The following PSD2 variants were observed in gnomAD, a reference collection of about 807,000 sequenced individuals.
PSD2 encodes pleckstrin and Sec7 domain containing 2, also known as PH and SEC7 domain-containing protein 2.
Under a neutral mutation model 69.8 loss-of-function variants are expected in PSD2, and 38 were observed. The observed-to-expected ratio is 0.54, with a 90% confidence interval of 0.42 to 0.71. The LOEUF is 0.71. Among genes scored for constraint, PSD2 ranks in the 30% least tolerant of loss-of-function variants. PSD2 has a pLI of 0.00. For missense variants in PSD2, 943 were observed against 1,014.5 expected (o/e 0.93, Z 0.96); for synonymous variants, 412 against 423.0 (o/e 0.97, Z 0.32).
intron 3 of PSD2, 42 bp downstream of exon 3, chr5:139,813,800 G>T: frequency 6.6e-7 from 1 of 1,525,898 alleles, no homozygotes. Flanking sequence ...GAGCAGATGG[G>T]GAAACTGAGA....
At chr5:139,742,821 G>T in the PSD2 span, among the ~76,000 whole-genome samples, 1 of 152,220 alleles carries the variant, frequency 6.6e-6, no homozygotes, top group Non-Finnish European at 1.5e-5. Context: ...TCAGGGAGGA[G>T]CTCCCTCTGG....
the PSD2 span, among the ~76,000 whole-genome samples, chr5:139,764,879 G>A: frequency 6.6e-6 from 1 of 152,256 alleles, no homozygotes; most frequent in African/African-American, 2.4e-5. Context: ...ACCCTCACTG[G>A]CGAAGGGACA....
At chr5:139,777,673 CTG>C in the PSD2 span, among the ~76,000 whole-genome samples, 1 of 152,104 alleles carries the variant, frequency 6.6e-6, no homozygotes, top group Non-Finnish European at 1.5e-5. Flanking sequence ...TGCTTGAGCT[CTG>C]GAGTTCGAGA....
At chr5:139,798,276 C>T (rs1212876242) in intron 1 of PSD2, among the ~76,000 whole-genome samples, 1 of 152,174 alleles carries the variant, frequency 6.6e-6, no homozygotes, top group African/African-American at 2.4e-5. Flanking sequence ...TCCCTGGGAC[C>T]AGCTTGTTTT....
chr5:139,766,916 C>CTTT, the PSD2 span, among the ~76,000 whole-genome samples: 2 of 44,954 alleles, frequency 4.4e-5, 1 homozygote, highest in Non-Finnish European at 9.3e-5. Flanking sequence ...TCCCTTCCTT[C>CTTT]CTTCCTTCCT....
At chr5:139,840,421 T>G (rs1281834621) in intron 14 of PSD2, among the ~76,000 whole-genome samples, 8 of 152,336 alleles carry the variant, frequency 5.3e-5, no homozygotes, top group Non-Finnish European at 7.4e-5. Flanking sequence ...CTTAAATGTT[T>G]GTGCCAATTT....
chr5:139,808,741 T>C (rs1433314766), intron 1 of PSD2, among the ~76,000 whole-genome samples: 1 of 152,146 alleles, frequency 6.6e-6, no homozygotes, highest in Non-Finnish European at 1.5e-5. Context: ...GGCTCCCGGG[T>C]GGCACCGCCC....
chr5:139,814,416 C>T lies in PSD2; in HGVS notation c.1016+52C>T, dbSNP rs943590615. ...CCCTGGGCAAACCTCGTGTCTTCCT[C>T]AACCTGAAGAGGGTGTGGGTGACCT... On this transcript the variant is annotated intron_variant, in intron 4 of 14. Coordinates refer to ENST00000274710, the MANE Select transcript of PSD2 (RefSeq NM_032289.4). This position sits in a 1 kb window ranked among gnomAD's most constrained non-coding sequence, Gnocchi z 4.4. The T allele has an allele frequency of 6.6e-7, 1 of 1,507,528 alleles. No individual in the cohort carries two copies. The allele number at this position is 1,507,528 out of a possible 1,614,324, so 93.4% of individuals were successfully genotyped here.
the PSD2 span, among the ~76,000 whole-genome samples, chr5:139,782,248 A>G: frequency 6.6e-6 from 1 of 151,998 alleles, no homozygotes; most frequent in African/African-American, 2.4e-5. Context: ...CAGTGGCACA[A>G]TCTCGGCTCA....
intron 7 of PSD2, among the ~76,000 whole-genome samples, chr5:139,823,392 A>AC (rs1760323963): frequency 6.6e-6 from 1 of 151,572 alleles, no homozygotes; most frequent in Non-Finnish European, 1.5e-5. Flanking sequence ...GTCCCCCATC[A>AC]CCATCTGGCT....
intron 7 of PSD2, among the ~76,000 whole-genome samples, chr5:139,830,845 T>TTTTA (rs1760584058): frequency 7.5e-6 from 1 of 133,382 alleles, no homozygotes; most frequent in Non-Finnish European, 1.6e-5. Context: ...TTTTTTTTTT[T>TTTTA]ATTGATTCAA....
intron 9 of PSD2, 97 bp downstream of exon 9, chr5:139,835,863 G>T: frequency 8.3e-7 from 1 of 1,199,238 alleles, no homozygotes; most frequent in Non-Finnish European, 1.2e-6. Context: ...TCTCCATGGT[G>T]CTGATCCCTC....
the PSD2 span, among the ~76,000 whole-genome samples, chr5:139,773,365 G>T: frequency 1.3e-5 from 2 of 151,826 alleles, no homozygotes; most frequent in Non-Finnish European, 2.9e-5. Context: ...TGGGCTCAAG[G>T]AATCCTCCTG....
At chr5:139,827,221 C>A (rs1480060359) in intron 7 of PSD2, among the ~76,000 whole-genome samples, 1 of 152,214 alleles carries the variant, frequency 6.6e-6, no homozygotes, top group East Asian at 1.9e-4. Context: ...ACAGTGTCTA[C>A]TACAGGGACT....
At chr5:139,810,059 G>A (rs577032115) in intron 2 of PSD2, among the ~76,000 whole-genome samples, 19 of 152,114 alleles carry the variant, frequency 1.2e-4, no homozygotes, top group Admixed American at 2.6e-4. Context: ...GATTGCAGGG[G>A]GTGGGGGGTG....
chr5:139,766,831 CTTTCTTTCTTTCTTTCTT>C, the PSD2 span, among the ~76,000 whole-genome samples: 9 of 32,366 alleles, frequency 2.8e-4, no homozygotes, highest in East Asian at 2.5e-3. Context: ...TCCCTTCCTT[CTTTCTTTCTTTCTTTCTT>C]TCTTTCTTTC....
At chr5:139,830,053 G>A (rs79517259) in intron 7 of PSD2, among the ~76,000 whole-genome samples, 1 of 148,690 alleles carries the variant, frequency 6.7e-6, no homozygotes, top group East Asian at 1.9e-4. Flanking sequence ...AGTGTGATCT[G>A]GTATGTGTGA....
chr5:139,832,713 C>A lies in PSD2; in HGVS notation c.1270-989C>A, dbSNP rs192309361. 2.4e-3 allele frequency among the ~76,000 whole-genome samples: 365 copies of A among 152,312 alleles called. 3 individuals carry two copies. Among genetic ancestry groups the A allele is most frequent in the African/African-American group, 8.2e-3 (342 of 41,550 alleles). ...TTGGAAAACACTGCTTTAGAGCAAACCCCAATCCACAAAATCCTTCAGTGA... is the reference window on the plus strand; with the variant it reads ...TTGGAAAACACTGCTTTAGAGCAAAACCCAATCCACAAAATCCTTCAGTGA... On this transcript the variant is annotated intron_variant, in intron 7 of 14. Transcript: ENST00000274710.
the PSD2 span, among the ~76,000 whole-genome samples, chr5:139,784,346 C>A: frequency 6.6e-6 from 1 of 152,094 alleles, no homozygotes; most frequent in African/African-American, 2.4e-5. Context: ...CAATGTGTAT[C>A]TCCACCCAGA....
Sources: gnomAD v4.1 joint callset for allele counts (sites outside exome capture counted in the v4.1 genomes callset) on GRCh38, gnomAD v4.1.1 for gene constraint, Gnocchi (gnomAD v3.1) non-coding constraint, MANE v1.5 for transcripts, NCBI Gene and HGNC (gene_info 2026-07-23, HGNC 2026-07-21) for gene names.